The following PDE4D variants were observed in gnomAD, a reference collection of about 807,000 sequenced individuals.
The protein encoded by PDE4D is 3',5'-cyclic-AMP phosphodiesterase 4D.
In PDE4D, 24 loss-of-function variants were observed where a neutral mutation model predicts 87.4. The observed-to-expected ratio is 0.27, with a 90% CI of 0.20 to 0.39. The LOEUF (loss-of-function observed/expected upper bound fraction) is 0.39. PDE4D is among the 10% of genes least tolerant of loss of function. The pLI is 1.00. For missense variants in PDE4D, 714 were observed against 1,041.0 expected (o/e 0.69, Z 4.32); for synonymous variants, 384 against 383.2 (o/e 1.00, Z -0.02).
At chr5:59,660,002 T>G (rs1263555090) in intron 1 of PDE4D, among the ~76,000 whole-genome samples, 1 of 152,070 alleles carries the variant, frequency 6.6e-6, no homozygotes, top group Non-Finnish European at 1.5e-5. Flanking sequence ...CTGGGCAACA[T>G]GGCGAGGCCC....
chr5:59,327,062 G>T (rs1775802697), intron 1 of PDE4D, among the ~76,000 whole-genome samples: 1 of 151,226 alleles, frequency 6.6e-6, no homozygotes, highest in Non-Finnish European at 1.5e-5. Context: ...GCAACTCTTT[G>T]AGAAATATCT....
At chr5:59,247,537 T>A (rs895322967) in intron 1 of PDE4D, among the ~76,000 whole-genome samples, 1 of 152,172 alleles carries the variant, frequency 6.6e-6, no homozygotes, top group Non-Finnish European at 1.5e-5. Context: ...AAATTTGCTG[T>A]ACAATTGTTT....
intron 1 of PDE4D, among the ~76,000 whole-genome samples, chr5:59,323,436 A>C (rs1363043908): frequency 6.6e-6 from 1 of 152,110 alleles, no homozygotes; most frequent in East Asian, 1.9e-4. Flanking sequence ...AATTTCATAC[A>C]GAATAAGCCC....
intron 1 of PDE4D, among the ~76,000 whole-genome samples, chr5:60,282,239 T>TATA (rs1752003081): frequency 9.6e-6 from 1 of 103,980 alleles, no homozygotes; most frequent in African/African-American, 3.6e-5. Context: ...ATATATATAT[T>TATA]TCTCAAAATG....
At chr5:60,513,510 C>A (rs1260436495) in intron 1 of PDE4D, among the ~76,000 whole-genome samples, 3 of 152,036 alleles carry the variant, frequency 2.0e-5, no homozygotes, top group African/African-American at 7.2e-5. Flanking sequence ...CCTCTTGTAA[C>A]AGACTAATAA....
At chr5:59,868,495 G>A (rs955023476) in intron 1 of PDE4D, among the ~76,000 whole-genome samples, 8 of 152,058 alleles carry the variant, frequency 5.3e-5, no homozygotes, top group African/African-American at 1.4e-4. Flanking sequence ...AAATATGTAT[G>A]GTCTCACAGA....
intron 1 of PDE4D, among the ~76,000 whole-genome samples, chr5:59,835,080 C>T (rs528924863): frequency 1.1e-4 from 16 of 152,172 alleles, no homozygotes; most frequent in Middle Eastern, 3.4e-3. Flanking sequence ...AGTTGAAAGA[C>T]ATAGCAGTGA....
intron 1 of PDE4D, among the ~76,000 whole-genome samples, chr5:60,312,141 G>A (rs1305927447): frequency 6.6e-6 from 1 of 152,114 alleles, no homozygotes; most frequent in Non-Finnish European, 1.5e-5. Context: ...GATCACTGAG[G>A]CAGAAAACTA....
intron 1 of PDE4D, among the ~76,000 whole-genome samples, chr5:60,238,399 C>T (rs1229050077): frequency 2.6e-5 from 4 of 151,944 alleles, no homozygotes; most frequent in Non-Finnish European, 5.9e-5. Context: ...CTGGCAAACA[C>T]ATCCAATCAT....
intron 3 of PDE4D, among the ~76,000 whole-genome samples, chr5:59,920,984 T>G (rs1377219863): frequency 1.3e-5 from 2 of 152,160 alleles, no homozygotes; most frequent in Non-Finnish European, 2.9e-5. Context: ...CTGCACGTTG[T>G]GCACATGTAC....
intron 3 of PDE4D, among the ~76,000 whole-genome samples, chr5:59,984,050 T>A (rs1295600971): frequency 1.3e-5 from 2 of 151,934 alleles, no homozygotes; most frequent in African/African-American, 4.8e-5. Flanking sequence ...CAAAAAAAAA[T>A]TTTGACTAAT....
chr5:60,495,117 A>T lies in PDE4D; in HGVS notation n.70+26934T>A, dbSNP rs16878157. ...TAACCTTCCCACAATACAGATAAAT[A>T]TCACATATAGTGCCTCAAAAGCAAT... On this transcript the variant is annotated intron_variant and non_coding_transcript_variant, in intron 1 of 2. Coordinates refer to the PDE4D transcript ENST00000506510. 6.2e-3 allele frequency among the ~76,000 whole-genome samples: 944 copies of T among 152,340 alleles called. 3 individuals carry two copies. The highest frequency in any genetic ancestry group is 9.0e-3 in the Non-Finnish European group (609 of 68,034).
In PDE4D at chr5:60,045,481, T is replaced by C. The variant is rs1017218261; in HGVS notation, c.43-56764A>G. On this transcript the variant is annotated intron_variant, in intron 2 of 16. Coordinates refer to the PDE4D transcript ENST00000502484. ...GTAAAGCCTAGGTTTTCTCCTAGGG[T>C]TTTTATGGTTTTAGGTCTAACATTT... is the stretch of plus-strand genomic sequence containing the variant. Among the ~76,000 whole-genome samples, 108 of 152,148 alleles carry C rather than the reference T, an allele frequency of 7.1e-4. 1 individual carries two copies. The highest frequency in any genetic ancestry group is 1.2e-3 in the Non-Finnish European group (81 of 68,034).
intron 1 of PDE4D, among the ~76,000 whole-genome samples, chr5:59,245,898 A>G (rs185499258): frequency 6.6e-6 from 1 of 152,186 alleles, no homozygotes; most frequent in African/African-American, 2.4e-5. Context: ...CTCTTGCCAT[A>G]CAAGGATATT....
intron 2 of PDE4D, among the ~76,000 whole-genome samples, chr5:60,095,984 T>C (rs1775637933): frequency 6.6e-6 from 1 of 152,188 alleles, no homozygotes; most frequent in South Asian, 2.1e-4. Context: ...TTATAGATTC[T>C]GGATATTAGC....
At chr5:60,255,058 A>G (rs1748896548) in intron 1 of PDE4D, among the ~76,000 whole-genome samples, 2 of 151,950 alleles carry the variant, frequency 1.3e-5, no homozygotes, top group Non-Finnish European at 2.9e-5. Flanking sequence ...TCCCCGGCTC[A>G]GAAGTGTCAT....
intron 1 of PDE4D, among the ~76,000 whole-genome samples, chr5:59,222,780 G>A (rs921939811): frequency 6.6e-6 from 1 of 152,128 alleles, no homozygotes; most frequent in East Asian, 1.9e-4. Context: ...GTGCTCTAGG[G>A]CAAGTTGCTG....
chr5:60,045,660 A>G (rs1769136834), intron 2 of PDE4D, among the ~76,000 whole-genome samples: 1 of 152,206 alleles, frequency 6.6e-6, no homozygotes, highest in Non-Finnish European at 1.5e-5. Context: ...TTTGACAAAG[A>G]TCAGATAGTT....
intron 3 of PDE4D, among the ~76,000 whole-genome samples, chr5:59,186,209 C>T (rs1742877910): frequency 6.6e-6 from 1 of 152,158 alleles, no homozygotes; most frequent in South Asian, 2.1e-4. Context: ...TACCTAACAA[C>T]CCAGACTGTC....
Sources: gnomAD v4.1 joint callset for allele counts (sites outside exome capture counted in the v4.1 genomes callset) on GRCh38, gnomAD v4.1.1 for gene constraint, MANE v1.5 for transcripts, NCBI Gene and HGNC (gene_info 2026-07-23, HGNC 2026-07-21) for gene names.